Variants in PHKA2 observed in about 807,000 individuals in gnomAD.
PHKA2 encodes the protein phosphorylase kinase regulatory subunit alpha 2, also known as phosphorylase b kinase regulatory subunit alpha, liver isoform.
In PHKA2, 31 loss-of-function variants were observed where a neutral mutation model predicts 102.0. The ratio of observed to expected loss-of-function variants is 0.30; its 90% CI spans 0.23 to 0.41. The LOEUF (loss-of-function observed/expected upper bound fraction) is 0.41. Among genes scored for constraint, PHKA2 ranks in the 10% least tolerant of loss-of-function variants. PHKA2 has a pLI of 1.00. For synonymous variants in PHKA2, 455 were observed against 416.2 expected (o/e 1.09, Z -1.13); for missense variants, 858 against 1,023.1 (o/e 0.84, Z 2.20).
chrX:18,927,551 C>A (rs770678864), intron 13 of PHKA2, among the ~76,000 whole-genome samples: 1 of 111,930 alleles, frequency 8.9e-6, no homozygotes, highest in Non-Finnish European at 1.9e-5. Context: ...CTAGTGGGGC[C>A]GGAATGTACA....
chrX:18,911,010 C>CTTT, intron 19 of PHKA2, 50 bp from the exon 20 acceptor site: 2 of 559,966 alleles, frequency 3.6e-6, no homozygotes, highest in Non-Finnish European at 2.7e-6. Flanking sequence ...AAGAACAACA[C>CTTT]TTTTTTTTTT....
At chrX:18,966,852 G>A (rs1028249032) in intron 1 of PHKA2, among the ~76,000 whole-genome samples, 5 of 111,887 alleles carry the variant, frequency 4.5e-5, no homozygotes, top group Admixed American at 9.5e-5. Flanking sequence ...TGGCTTCAGC[G>A]GGGAGAAGTA....
chrX:18,894,986 A>C lies in PHKA2; in HGVS notation c.3336+152T>G, dbSNP rs924677502. The C allele has an allele frequency of 8.7e-6, 5 of 573,947 alleles. No homozygotes were observed. In the African/African-American group the frequency reaches 9.1e-5, roughly 10 times the overall value. The allele number at this position is 573,947 out of a possible 1,213,427, so 47.3% of individuals were successfully genotyped here. On this transcript the variant is annotated intron_variant, in intron 31 of 32. Coordinates refer to ENST00000379942, the MANE Select transcript of PHKA2 (RefSeq NM_000292.3). ...AATGCTGGAAAGACATTTTTGCCAA[A>C]TATGAGGGTGAAGGGGCTAGACAGC...
At chrX:18,921,135 A>G in intron 17 of PHKA2, among the ~76,000 whole-genome samples, 1 of 110,534 alleles carries the variant, frequency 9.0e-6, no homozygotes, top group East Asian at 2.9e-4. Flanking sequence ...CTTTTAAAAA[A>G]CCCTCAGAAA....
chrX:18,949,364 T>C (rs1466950951), intron 4 of PHKA2, among the ~76,000 whole-genome samples: 1 of 111,928 alleles, frequency 8.9e-6, no homozygotes, highest in Non-Finnish European at 1.9e-5. Context: ...AAATGGACTC[T>C]TACATCAATG....
At chrX:18,977,116 T>C (rs2049100000) in intron 1 of PHKA2, among the ~76,000 whole-genome samples, 1 of 112,498 alleles carries the variant, frequency 8.9e-6, no homozygotes, top group Non-Finnish European at 1.9e-5. Flanking sequence ...CAGTTCTAAC[T>C]CTTTCATAAC....
At chrX:18,962,282 G>A (rs866212422) in intron 1 of PHKA2, among the ~76,000 whole-genome samples, 1 of 111,503 alleles carries the variant, frequency 9.0e-6, no homozygotes. Flanking sequence ...TGGGCATGGA[G>A]GGGCAGGTAA....
rs374443475 is a variant in PHKA2 at position 18,894,266 on chromosome X, C to T, written c.3475G>A (p.Gly1159Arg). Residue 1159 changes from glycine (G) to arginine (R), a missense_variant, in exon 32 of 33, where the codon GGG becomes AGG. Gly to Arg is a moderately radical substitution (Grantham distance 125). Coordinates refer to ENST00000379942, the MANE Select transcript of PHKA2 (RefSeq NM_000292.3). ...LLSDTEMTSI[G>R]GIIHVDQIVQ... ...ATCTGGTCCACGTGGATGATGCCCC[C>T]GATGCTGGTCATCTCCGTGTCCGAG... 6 of 1,210,156 alleles carry T rather than the reference C, an allele frequency of 5.0e-6. No homozygotes were observed. Among genetic ancestry groups the T allele is most frequent in the East Asian group, 3.0e-5 (1 of 33,781 alleles).
At chrX:18,929,417 T>A (rs2048277269) in intron 12 of PHKA2, 111 bp from the exon 13 acceptor site, 1 of 554,606 alleles carries the variant, frequency 1.8e-6, no homozygotes, top group Admixed American at 2.9e-5. Context: ...AAGACTTTTT[T>A]CTTTATATTT....
At chrX:18,980,128 C>T (rs994169277) in intron 1 of PHKA2, among the ~76,000 whole-genome samples, 21 of 112,904 alleles carry the variant, frequency 1.9e-4, no homozygotes, top group African/African-American at 5.8e-4. Flanking sequence ...TGGTAAAAGT[C>T]ATCGCCATTC....
rs1479425986 is a variant in PHKA2 at position 18,894,064 on chromosome X, C to T, written c.3537+140G>A. ...TCCCAAGTGGCCACTGTACCATTTTCTAAGCAAGTGGTTGACATTTTTTCC... is the reference window on the plus strand; with the variant it reads ...TCCCAAGTGGCCACTGTACCATTTTTTAAGCAAGTGGTTGACATTTTTTCC... On this transcript the variant is annotated intron_variant, in intron 32 of 32. Coordinates refer to ENST00000379942, the MANE Select transcript of PHKA2 (RefSeq NM_000292.3). The T allele has an allele frequency of 6.7e-6, 4 of 599,478 alleles. No individual in the cohort carries two copies. The Admixed American group carries it at 1.1e-4, about 16-fold the overall frequency. The allele number at this position is 599,478 out of a possible 1,213,427, so 49.4% of individuals were successfully genotyped here. A position where few individuals can be genotyped will look rare whatever the true frequency, so the allele number is the denominator to read the frequency against.
intron 9 of PHKA2, 64 bp from the exon 10 acceptor site, chrX:18,938,813 C>T: frequency 9.6e-7 from 1 of 1,042,639 alleles, no homozygotes; most frequent in Admixed American, 2.2e-5. Context: ...TACCATTGTG[C>T]CTCATGGGGT....
chrX:18,970,892 G>T (rs919293691), intron 1 of PHKA2, among the ~76,000 whole-genome samples: 2 of 112,307 alleles, frequency 1.8e-5, no homozygotes, highest in African/African-American at 3.2e-5. Flanking sequence ...TTAGCTAAAG[G>T]AATGTGAATG....
chrX:18,963,143 A>G (rs1306827451), intron 1 of PHKA2, among the ~76,000 whole-genome samples: 2 of 112,407 alleles, frequency 1.8e-5, no homozygotes, highest in African/African-American at 6.5e-5. Context: ...CTCCCTTTCT[A>G]GTAGTGGCCT....
intron 1 of PHKA2, among the ~76,000 whole-genome samples, chrX:18,978,182 C>A (rs899732950): frequency 2.2e-4 from 24 of 110,074 alleles, no homozygotes; most frequent in African/African-American, 7.6e-4. Context: ...ATAATAATTT[C>A]TATTATCTGG....
intron 1 of PHKA2, among the ~76,000 whole-genome samples, chrX:18,965,353 T>C (rs993436443): frequency 8.9e-6 from 1 of 111,906 alleles, no homozygotes; most frequent in Non-Finnish European, 1.9e-5. Flanking sequence ...ATACCTGAAA[T>C]ATTAAGTACT....
chrX:18,966,519 G>C (rs1883310522), intron 1 of PHKA2, among the ~76,000 whole-genome samples: 1 of 112,037 alleles, frequency 8.9e-6, no homozygotes, highest in South Asian at 3.7e-4. Context: ...TTTGTAAATG[G>C]AGGATTTGAG....
chrX:18,915,050 T>C lies in PHKA2; in HGVS notation c.2137+3631A>G, dbSNP rs143224131. Among the ~76,000 whole-genome samples, 688 of 112,169 alleles carry C rather than the reference T, an allele frequency of 6.1e-3. 6 individuals are homozygous for C. The highest frequency in any genetic ancestry group is 0.02 in the African/African-American group (631 of 30,938). Reference sequence around the variant, plus strand: ...CCTGCCATTAATATTCTTAGAATAATAACAAATTGCCAGGTATGGTGGCTC... The same window carrying C: ...CCTGCCATTAATATTCTTAGAATAACAACAAATTGCCAGGTATGGTGGCTC... On this transcript the variant is annotated intron_variant, in intron 19 of 32. Coordinates refer to ENST00000379942, the MANE Select transcript of PHKA2 (RefSeq NM_000292.3).
chrX:18,976,013 C>T (rs188058503), intron 1 of PHKA2, among the ~76,000 whole-genome samples: 98 of 85,046 alleles, frequency 1.2e-3, no homozygotes, highest in African/African-American at 4.4e-3. Flanking sequence ...CTCACTCTGT[C>T]GCTCAGACTG....
Sources: gnomAD v4.1 joint callset for allele counts (sites outside exome capture counted in the v4.1 genomes callset) on GRCh38, gnomAD v4.1.1 for gene constraint, MANE v1.5 for transcripts, NCBI Gene and HGNC (gene_info 2026-07-23, HGNC 2026-07-21) for gene names.